KCNH7: variants seen among roughly 807,000 people sequenced by gnomAD.
The protein encoded by KCNH7 is voltage-gated inwardly rectifying potassium channel KCNH7.
A neutral mutation model predicts 120.8 loss-of-function variants in KCNH7; 49 were observed. The observed-to-expected ratio is 0.41, with a 90% CI of 0.32 to 0.51. The LOEUF is 0.51. Among genes scored for constraint, KCNH7 ranks in the 20% least tolerant of loss-of-function variants. The pLI, the probability that KCNH7 is intolerant of heterozygous loss-of-function variation, is 0.38. For synonymous variants in KCNH7, 547 were observed against 516.1 expected, an observed-to-expected ratio of 1.06 and a Z score of -0.81; for missense variants, 1,097 against 1,446.6, an observed-to-expected ratio of 0.76 and a Z score of 3.92.
intron 2 of KCNH7, among the ~76,000 whole-genome samples, chr2:162,788,988 T>TAAAAAAAAAAAAAAAAA (rs61348204): frequency 9.5e-6 from 1 of 105,164 alleles, no homozygotes. Flanking sequence ...AGGTACTGGT[T>TAAAAAAAAAAAAAAAAA]AAAAAAAAAA....
intron 2 of KCNH7, among the ~76,000 whole-genome samples, chr2:162,612,099 A>G (rs904458981): frequency 6.6e-6 from 1 of 152,194 alleles, no homozygotes; most frequent in Non-Finnish European, 1.5e-5. Flanking sequence ...AACATCAGAC[A>G]CAATATAGCA....
At chr2:162,517,522 A>G (rs552996362) in intron 4 of KCNH7, among the ~76,000 whole-genome samples, 2 of 151,940 alleles carry the variant, frequency 1.3e-5, no homozygotes, top group South Asian at 4.1e-4. Flanking sequence ...AAATACAGAT[A>G]AAGAAGCCAG....
At chr2:162,724,589 G>A (rs954404510) in intron 2 of KCNH7, among the ~76,000 whole-genome samples, 2 of 148,772 alleles carry the variant, frequency 1.3e-5, no homozygotes, top group Non-Finnish European at 3.0e-5. Context: ...GGAGAATGGC[G>A]TGAACCCGGG....
chr2:162,637,950 T>TG (rs1684019999), intron 2 of KCNH7, among the ~76,000 whole-genome samples: 1 of 152,112 alleles, frequency 6.6e-6, no homozygotes, highest in African/African-American at 2.4e-5. Flanking sequence ...GGGGTTACCA[T>TG]GATTGAGGGA....
At chr2:162,377,923 T>A (rs149945297) in intron 14 of KCNH7, among the ~76,000 whole-genome samples, 56 of 152,342 alleles carry the variant, frequency 3.7e-4, no homozygotes, top group African/African-American at 1.3e-3. Context: ...ATTGGGTGAT[T>A]GCACGCCAAA....
intron 2 of KCNH7, among the ~76,000 whole-genome samples, chr2:162,689,764 T>C (rs987309318): frequency 6.6e-6 from 1 of 152,176 alleles, no homozygotes. Context: ...CTAGGCATTA[T>C]GTTTGCTTTC....
At chr2:162,571,815 C>A (rs1209392069) in intron 2 of KCNH7, among the ~76,000 whole-genome samples, 26 of 149,346 alleles carry the variant, frequency 1.7e-4, no homozygotes, top group Admixed American at 4.0e-4. Context: ...CTATTTAATA[C>A]ATGGTGCTGG....
intron 14 of KCNH7, among the ~76,000 whole-genome samples, 176 bp downstream of exon 14, chr2:162,379,677 A>G (rs754149151): frequency 7.2e-5 from 11 of 152,188 alleles, no homozygotes; most frequent in Non-Finnish European, 1.6e-4. Flanking sequence ...AGTGTTCTAA[A>G]TAAATGCTCC....
chr2:162,759,736 G>C (rs1688904941), intron 2 of KCNH7, among the ~76,000 whole-genome samples: 2 of 151,596 alleles, frequency 1.3e-5, no homozygotes, highest in African/African-American at 2.4e-5. Context: ...AGAGAGGAAA[G>C]AGTAGAAAAA....
intron 9 of KCNH7, among the ~76,000 whole-genome samples, chr2:162,420,918 T>C (rs1053070053): frequency 6.6e-6 from 1 of 152,206 alleles, no homozygotes; most frequent in Non-Finnish European, 1.5e-5. Flanking sequence ...AGTGTGGTTT[T>C]GGAGGTAAAA....
rs1374095301 is a variant in KCNH7 at position 162,446,004 on chromosome 2, T to C, written c.1554+14A>G. On this transcript the variant is annotated intron_variant, in intron 7 of 15. Coordinates refer to ENST00000332142, the MANE Select transcript of KCNH7 (RefSeq NM_033272.4). ...GCAATCTTTCAGAAAATAAGAATCT[T>C]AAGCAGTTCTTACCTCATCAGAACC... 1.5e-5 allele frequency: 24 copies of C among 1,567,278 alleles called. No homozygotes were observed. The highest frequency in any genetic ancestry group is 2.1e-5 in the Non-Finnish European group (24 of 1,154,930).
At chr2:162,656,510 G>A (rs1321767657) in intron 2 of KCNH7, among the ~76,000 whole-genome samples, 2 of 152,276 alleles carry the variant, frequency 1.3e-5, no homozygotes, top group East Asian at 3.9e-4. Flanking sequence ...AGAATATGAG[G>A]AAGCATGAAA....
At chr2:162,750,670 A>C (rs1688507323) in intron 2 of KCNH7, among the ~76,000 whole-genome samples, 1 of 152,192 alleles carries the variant, frequency 6.6e-6, no homozygotes, top group Non-Finnish European at 1.5e-5. Flanking sequence ...AGGGTAAGTT[A>C]ATAGATATGT....
At chr2:162,559,130 A>C (rs7557730) in intron 2 of KCNH7, among the ~76,000 whole-genome samples, 23,237 of 151,054 alleles carry the variant, frequency 0.15, 4,590 homozygotes, top group African/African-American at 0.45. Flanking sequence ...AGTATGGAGT[A>C]AGTTAGATCT....
chr2:162,467,174 C>G (rs920042406), intron 6 of KCNH7, among the ~76,000 whole-genome samples: 1 of 152,188 alleles, frequency 6.6e-6, no homozygotes, highest in Non-Finnish European at 1.5e-5. Flanking sequence ...GGAAAGAGTT[C>G]AGTCAGCAGA....
At chr2:162,459,361 T>C (rs1689076111) in intron 6 of KCNH7, among the ~76,000 whole-genome samples, 1 of 152,160 alleles carries the variant, frequency 6.6e-6, no homozygotes, top group Non-Finnish European at 1.5e-5. Flanking sequence ...GAAAAGATTA[T>C]GATAGAGACA....
At position 162,595,435 on chromosome 2, in the gene KCNH7, G is replaced by T. The variant is rs1574147572; in HGVS notation, c.308-58355C>A. On this transcript the variant is annotated intron_variant, in intron 2 of 15. Transcript: ENST00000332142. ...GAACACAGCCAAACCATATCAATAT[G>T]ATTCATCATATTAACAAAATGAAGG... Among the ~76,000 whole-genome samples the T allele has an allele frequency of 2.6e-5, 4 of 152,002 alleles. No individual in the cohort carries two copies. The East Asian group carries it at 7.8e-4, about 30-fold the overall frequency.
chr2:162,762,153 C>G (rs535229738), intron 2 of KCNH7, among the ~76,000 whole-genome samples: 2 of 152,148 alleles, frequency 1.3e-5, no homozygotes, highest in Non-Finnish European at 2.9e-5. Context: ...TCCAACTACT[C>G]ATTTTATTTT....
At chr2:162,673,699 C>G (rs1685438094) in intron 2 of KCNH7, among the ~76,000 whole-genome samples, 1 of 151,952 alleles carries the variant, frequency 6.6e-6, no homozygotes, top group East Asian at 1.9e-4. Context: ...ATACAACAAT[C>G]CTGTAACATG....
Sources: gnomAD v4.1 joint callset for allele counts (sites outside exome capture counted in the v4.1 genomes callset) on GRCh38, gnomAD v4.1.1 for gene constraint, MANE v1.5 for transcripts, NCBI Gene and HGNC (gene_info 2026-07-23, HGNC 2026-07-21) for gene names.